The following XK variants were observed in gnomAD, a reference collection of about 807,000 sequenced individuals.
XK encodes endoplasmic reticulum membrane adapter protein XK.
A neutral mutation model predicts 14.0 loss-of-function variants in XK; 2 were observed. That is an observed-to-expected ratio of 0.14 (90% CI 0.06 to 0.45). The LOEUF (loss-of-function observed/expected upper bound fraction) is 0.45, where lower values mean the gene tolerates loss of function less well. Among genes scored for constraint, XK ranks in the 20% least tolerant of loss-of-function variants. The probability of loss-of-function intolerance (pLI) is 0.98; values close to 1 mark genes in which losing one functional copy is unlikely to be tolerated. For synonymous variants in XK, 149 were observed against 147.5 expected, an observed-to-expected ratio of 1.01 and a Z score of -0.08; for missense variants, 235 against 341.5, an observed-to-expected ratio of 0.69 and a Z score of 2.46.
intron 2 of XK, among the ~76,000 whole-genome samples, chrX:37,705,704 A>G (rs1365085488): frequency 9.0e-6 from 1 of 110,523 alleles, no homozygotes; most frequent in East Asian, 2.8e-4. Flanking sequence ...TAATCTAGGG[A>G]AGGCTGAGTA....
intron 2 of XK, among the ~76,000 whole-genome samples, chrX:37,707,511 G>A (rs1445518502): frequency 5.0e-5 from 5 of 99,084 alleles, no homozygotes; most frequent in African/African-American, 2.0e-4. Flanking sequence ...CGGGCGGAAG[G>A]GCTCCTCACT....
chrX:37,712,802 T>C (rs1927692483), intron 2 of XK, among the ~76,000 whole-genome samples: 1 of 112,093 alleles, frequency 8.9e-6, no homozygotes, highest in Non-Finnish European at 1.9e-5. Context: ...CTCAGTTTCA[T>C]AGACGAAAAA....
At chrX:37,718,569 T>C (rs782208241) in intron 2 of XK, among the ~76,000 whole-genome samples, 153 of 111,815 alleles carry the variant, frequency 1.4e-3, no homozygotes, top group Non-Finnish European at 2.6e-3. Flanking sequence ...AGTACACATA[T>C]ATATGCAGTT....
intron 2 of XK, among the ~76,000 whole-genome samples, chrX:37,719,812 T>A (rs1556448551): frequency 9.0e-6 from 1 of 111,149 alleles, no homozygotes. Context: ...ATTTTGGCCA[T>A]TTTTTGTTGT....
chrX:37,708,278 G>T lies in XK; in HGVS notation c.508+13730G>T, dbSNP rs782181778. Reference sequence around the variant, plus strand: ...ATAAGGGAGAGGCAGCAGCAGGCTTGATCACGGAGGAAGAAGACAATGTGA... The same window carrying T: ...ATAAGGGAGAGGCAGCAGCAGGCTTTATCACGGAGGAAGAAGACAATGTGA... On this transcript the variant is annotated intron_variant, in intron 2 of 2. Transcript: ENST00000378616. Among the ~76,000 whole-genome samples the T allele has an allele frequency of 2.7e-5, 3 of 111,871 alleles. No individual in the cohort carries two copies. The Admixed American group carries it at 2.8e-4, about 10-fold the overall frequency.
intron 1 of XK, among the ~76,000 whole-genome samples, chrX:37,692,672 A>T (rs1191426055): frequency 1.8e-5 from 2 of 112,272 alleles, no homozygotes; most frequent in African/African-American, 6.5e-5. Context: ...AAGTGCTGGG[A>T]TTACAGGCGT....
intron 1 of XK, among the ~76,000 whole-genome samples, chrX:37,688,782 C>T (rs969073055): frequency 9.0e-6 from 1 of 111,525 alleles, no homozygotes; most frequent in African/African-American, 3.3e-5. Context: ...AAGCTAATGA[C>T]ATAATATATA....
chrX:37,728,664 A>G lies in XK; in HGVS notation c.*202A>G. ...AAAACCTCTGAGTGTTGAAGGGGCAACCCAAGGCATCACAGTTCACAGGTA... is the reference window on the plus strand; with the variant it reads ...AAAACCTCTGAGTGTTGAAGGGGCAGCCCAAGGCATCACAGTTCACAGGTA... On this transcript the variant is annotated 3_prime_UTR_variant, in exon 3 of 3. Transcript: ENST00000378616. 2.2e-6 allele frequency: 1 copy of G among 452,339 alleles called. No individual in the cohort carries two copies. Among genetic ancestry groups the G allele is most frequent in the African/African-American group, 2.4e-5 (1 of 41,564 alleles). 37.3% of individuals were successfully genotyped at this position (452,339 alleles called of 1,213,427 possible). A position where few individuals can be genotyped will look rare whatever the true frequency, so the allele number is the denominator to read the frequency against.
At chrX:37,688,196 G>T (rs1283863325) in intron 1 of XK, among the ~76,000 whole-genome samples, 2 of 108,026 alleles carry the variant, frequency 1.9e-5, no homozygotes, top group African/African-American at 3.4e-5. Flanking sequence ...GAGTAGCTGG[G>T]ACTACAGGCG....
intron 2 of XK, 118 bp from the exon 3 acceptor site, chrX:37,727,518 G>A: frequency 1.6e-6 from 1 of 619,554 alleles, no homozygotes; most frequent in Non-Finnish European, 2.6e-6. Flanking sequence ...TGGAAGTCAG[G>A]CTGTGCACAT....
In XK at chrX:37,729,018, A is replaced by T. The variant is rs782312433; in HGVS notation, c.*556A>T. The T allele has an allele frequency of 8.8e-6, 1 of 114,008 alleles. No individual in the cohort carries two copies. Among genetic ancestry groups the T allele is most frequent in the South Asian group, 3.5e-4 (1 of 2,872 alleles). 9.4% of individuals were successfully genotyped at this position (114,008 alleles called of 1,213,427 possible). A position where few individuals can be genotyped will look rare whatever the true frequency, so the allele number is the denominator to read the frequency against. ...TCATCTCATTAGGGCTTTTTTGTAC[A>T]TAGCCAACTGTAGCCACCCTGGCAT... On this transcript the variant is annotated 3_prime_UTR_variant, in exon 3 of 3. Transcript: ENST00000378616.
At chrX:37,696,578 A>T (rs1556442501) in intron 2 of XK, among the ~76,000 whole-genome samples, 1 of 112,947 alleles carries the variant, frequency 8.9e-6, no homozygotes, top group African/African-American at 3.2e-5. Flanking sequence ...TCACCCGGAA[A>T]GGGTAAGACC....
chrX:37,698,884 GT>G lies in XK; in HGVS notation c.508+4339del, dbSNP rs1364544469. ...ACCGAGTCTGGGAAATGAGGCAAAT[GT>G]TTCCAAAACTTAGATTTAAACTGAA... is the stretch of plus-strand genomic sequence containing the variant. On this transcript the variant is annotated intron_variant, in intron 2 of 2. Coordinates refer to ENST00000378616, the MANE Select transcript of XK (RefSeq NM_021083.4). Among the ~76,000 whole-genome samples the G allele has an allele frequency of 2.7e-5, 3 of 112,131 alleles. No individual in the cohort carries two copies. In the East Asian group the frequency reaches 8.4e-4, roughly 31 times the overall value.
At chrX:37,696,683 C>T (rs1927312988) in intron 2 of XK, among the ~76,000 whole-genome samples, 1 of 112,295 alleles carries the variant, frequency 8.9e-6, no homozygotes, top group Non-Finnish European at 1.9e-5. Context: ...AAGGAAGAAA[C>T]ACCTAACTGT....
Position 37,728,303 on chromosome X carries a change from C to T in XK, c.1176C>T (p.Leu392=). Residue 392 remains leucine, a synonymous_variant, in exon 3 of 3, where the codon CTC becomes CTT. Coordinates refer to ENST00000378616, the MANE Select transcript of XK (RefSeq NM_021083.4). The part of the protein sequence containing the change: ...SSVSEGFQRW[L]RCFCWACRQQ... ...TTTCTGAAGGCTTTCAGAGGTGGCT[C>T]AGGTGTTTTTGCTGGGCCTGCAGGC... 1 of 1,211,196 alleles carries T rather than the reference C, an allele frequency of 8.3e-7. No individual in the cohort carries two copies. Among genetic ancestry groups the T allele is most frequent in the Non-Finnish European group, 1.1e-6 (1 of 895,397 alleles).
chrX:37,695,754 C>G (rs1243339361), intron 2 of XK, among the ~76,000 whole-genome samples: 1 of 111,920 alleles, frequency 8.9e-6, no homozygotes, highest in African/African-American at 3.3e-5. Flanking sequence ...GAGCCATCTC[C>G]CTTATCCAGG....
chrX:37,710,518 G>A (rs1927642102), intron 2 of XK, among the ~76,000 whole-genome samples: 1 of 111,731 alleles, frequency 9.0e-6, no homozygotes, highest in Admixed American at 9.5e-5. Context: ...TGTTATGGCC[G>A]GGCGTGGTGG....
At chrX:37,723,589 T>C (rs1351996502) in intron 2 of XK, among the ~76,000 whole-genome samples, 1 of 111,359 alleles carries the variant, frequency 9.0e-6, no homozygotes, top group Admixed American at 9.5e-5. Flanking sequence ...AAAGATGTAA[T>C]TTGGAAATAA....
At chrX:37,727,235 A>G (rs191446900) in intron 2 of XK, among the ~76,000 whole-genome samples, 1 of 111,623 alleles carries the variant, frequency 9.0e-6, no homozygotes, top group African/African-American at 3.3e-5. Context: ...GGAGACAACT[A>G]TTAGACAACT....
Sources: allele counts gnomAD v4.1 joint callset (sites outside exome capture counted in the v4.1 genomes callset), GRCh38; gene constraint gnomAD v4.1.1; transcripts MANE v1.5; gene names NCBI Gene and HGNC (gene_info 2026-07-23, HGNC 2026-07-21).